Variants in INTS15 observed in about 807,000 individuals in gnomAD.
INTS15 encodes the protein uncharacterized protein C7orf26.
chr7:6,608,551 C>T, the INTS15 span: 1 of 1,102,808 alleles, frequency 9.1e-7, no homozygotes, highest in Non-Finnish European at 1.1e-6. Flanking sequence ...AAAAAGTGGG[C>T]TCCTTCTGCA....
At chr7:6,606,863 G>A in the INTS15 span, among the ~76,000 whole-genome samples, 5 of 152,120 alleles carry the variant, frequency 3.3e-5, no homozygotes, top group East Asian at 1.9e-4. Context: ...GCACCACCAC[G>A]CCCAGCTAAT....
the INTS15 span, among the ~76,000 whole-genome samples, chr7:6,599,404 C>T: frequency 3.3e-5 from 5 of 151,914 alleles, no homozygotes; most frequent in Admixed American, 1.3e-4. Flanking sequence ...CTGAAGGCCA[C>T]CATTGCTGTC....
chr7:6,598,776 TGTGTGTGTGTA>T, the INTS15 span, among the ~76,000 whole-genome samples: 1,274 of 101,876 alleles, frequency 0.013, 36 homozygotes, highest in African/African-American at 0.06. Context: ...TGTGTGTGTG[TGTGTGTGTGTA>T]TTTTTTTTTT....
At chr7:6,594,437 G>A in the INTS15 span, 2 of 1,614,032 alleles carry the variant, frequency 1.2e-6, no homozygotes, top group Non-Finnish European at 8.5e-7. Context: ...CTTTCCAGCG[G>A]ACGCCCGTGG....
the INTS15 span, among the ~76,000 whole-genome samples, chr7:6,596,838 A>G: frequency 1.3e-5 from 2 of 152,132 alleles, no homozygotes; most frequent in African/African-American, 4.8e-5. Flanking sequence ...GCTGGAGTGC[A>G]GTGGTGCGAT....
the INTS15 span, among the ~76,000 whole-genome samples, chr7:6,590,759 G>A: frequency 1.2e-4 from 19 of 152,168 alleles, no homozygotes; most frequent in Admixed American, 1.2e-3. Context: ...TTACCGAAAG[G>A]CTCATCCTGA....
the INTS15 span, chr7:6,608,275 C>T: frequency 6.8e-7 from 1 of 1,470,424 alleles, no homozygotes; most frequent in Non-Finnish European, 9.0e-7. Context: ...CCCCTCCCCG[C>T]CGGCAGAACC....
chr7:6,600,858 G>A, the INTS15 span, among the ~76,000 whole-genome samples: 1 of 152,120 alleles, frequency 6.6e-6, no homozygotes, highest in African/African-American at 2.4e-5. Flanking sequence ...GTTGCACTAT[G>A]TTGGCCAGGA....
At chr7:6,606,599 C>G in the INTS15 span, among the ~76,000 whole-genome samples, 1 of 152,044 alleles carries the variant, frequency 6.6e-6, no homozygotes, top group Non-Finnish European at 1.5e-5. Context: ...GGCAGAGCCC[C>G]TCTGTCTGCA....
chr7:6,598,762 TGTGTGTGTGTGTGTGTGTGTGTGTA>T, the INTS15 span, among the ~76,000 whole-genome samples: 48 of 107,522 alleles, frequency 4.5e-4, no homozygotes, highest in African/African-American at 1.9e-3. Flanking sequence ...TGTGTGTGTG[TGTGTGTGTGTGTGTGTGTGTGTGTA>T]TTTTTTTTTT....
At chr7:6,596,967 A>T in the INTS15 span, among the ~76,000 whole-genome samples, 3 of 151,794 alleles carry the variant, frequency 2.0e-5, no homozygotes. Context: ...TTTAGTAGAG[A>T]TGGGGTTTCA....
the INTS15 span, among the ~76,000 whole-genome samples, chr7:6,607,333 C>T: frequency 1.3e-5 from 2 of 150,872 alleles, no homozygotes; most frequent in Non-Finnish European, 3.0e-5. The surrounding 1 kb of genome is among the most constrained non-coding windows in gnomAD (Gnocchi z 6.0). Flanking sequence ...AGCGCGGTGG[C>T]GGATGGGGAG....
chr7:6,596,827 G>A, the INTS15 span, among the ~76,000 whole-genome samples: 2 of 152,134 alleles, frequency 1.3e-5, no homozygotes, highest in Admixed American at 1.3e-4. Context: ...CTGTCGCCCA[G>A]GCTGGAGTGC....
chr7:6,598,482 A>AT, the INTS15 span, among the ~76,000 whole-genome samples: 1 of 150,904 alleles, frequency 6.6e-6, no homozygotes, highest in Non-Finnish European at 1.5e-5. Flanking sequence ...AAAAAAAAAA[A>AT]AAAGGCACAC....
chr7:6,593,304 T>C, the INTS15 span, among the ~76,000 whole-genome samples: 2 of 149,456 alleles, frequency 1.3e-5, no homozygotes, highest in African/African-American at 4.9e-5. Flanking sequence ...AAACGGGTGG[T>C]GGGACAAATT....
At chr7:6,598,365 A>G in the INTS15 span, among the ~76,000 whole-genome samples, 17 of 151,076 alleles carry the variant, frequency 1.1e-4, no homozygotes, top group East Asian at 3.9e-4. Flanking sequence ...GCTACTCGGG[A>G]TGCTGAGACA....
chr7:6,608,141 C>A, the INTS15 span: 1 of 1,421,706 alleles, frequency 7.0e-7, no homozygotes, highest in Admixed American at 2.1e-5. Context: ...CGTGACCTTT[C>A]CCTTCAGGCC....
the INTS15 span, among the ~76,000 whole-genome samples, chr7:6,592,533 C>G: frequency 6.6e-6 from 1 of 151,540 alleles, no homozygotes; most frequent in Non-Finnish European, 1.5e-5. Flanking sequence ...TGTCACTGCA[C>G]TCCAGCCTGG....
chr7:6,605,057 A>G, the INTS15 span, among the ~76,000 whole-genome samples: 4 of 151,946 alleles, frequency 2.6e-5, no homozygotes, highest in Admixed American at 2.0e-4. Context: ...CAGTGGTCTG[A>G]TATCAGCTCA....
Sources: gnomAD v4.1 joint callset for allele counts (sites outside exome capture counted in the v4.1 genomes callset) on GRCh38, gnomAD v4.1.1 for gene constraint, Gnocchi (gnomAD v3.1) non-coding constraint, MANE v1.5 for transcripts, NCBI Gene and HGNC (gene_info 2026-07-23, HGNC 2026-07-21) for gene names.